The following PAPOLA variants were observed in gnomAD, a reference collection of about 807,000 sequenced individuals.
PAPOLA encodes poly(A) polymerase alpha, also known as polynucleotide adenylyltransferase alpha.
PAPOLA carries 15 observed loss-of-function variants against 100.6 expected under a neutral mutation model. That is an observed-to-expected ratio of 0.15 (90% confidence interval 0.10 to 0.23). PAPOLA has a LOEUF of 0.23. PAPOLA is among the 10% of genes least tolerant of loss of function. The pLI is 1.00. For missense variants in PAPOLA, 533 were observed against 884.2 expected, an observed-to-expected ratio of 0.60 and a Z score of 5.04; for synonymous variants, 293 against 300.0, an observed-to-expected ratio of 0.98 and a Z score of 0.24.
intron 6 of PAPOLA, 59 bp downstream of exon 6, chr14:96,528,065 A>G: frequency 8.9e-7 from 1 of 1,123,168 alleles, no homozygotes; most frequent in South Asian, 1.2e-5. Context: ...TTTGATTGAT[A>G]TAGGTTAAAA....
intron 15 of PAPOLA, among the ~76,000 whole-genome samples, chr14:96,547,324 C>T (rs1900470309): frequency 6.6e-6 from 1 of 151,930 alleles, no homozygotes; most frequent in African/African-American, 2.4e-5. Flanking sequence ...TAAATTATTA[C>T]TATATTAGAA....
intron 20 of PAPOLA, among the ~76,000 whole-genome samples, chr14:96,561,314 C>A (rs1324111942): frequency 6.6e-6 from 1 of 151,916 alleles, no homozygotes; most frequent in African/African-American, 2.4e-5. Flanking sequence ...TTTTAACTTT[C>A]TTTCCTTGTG....
chr14:96,555,865 A>G lies in PAPOLA; in HGVS notation c.1683A>G (p.Pro561=), dbSNP rs767654097. 1.2e-6 allele frequency: 2 copies of G among 1,600,158 alleles called. No homozygotes were observed. The highest frequency in any genetic ancestry group is 2.2e-5 in the South Asian group (2 of 89,892). The stretch of plus-strand genomic sequence containing the variant: ...TTTTTAGCAGAAACAGTCCTGCTCC[A>G]GCTGTAACAGCAGCATCTGTGACCA... ...GSSQGRNSPA[P]AVTAASVTNI... Residue 561 remains proline, a synonymous_variant, in exon 18 of 22, where the codon CCA becomes CCG. Transcript: ENST00000216277.
At chr14:96,533,847 C>T in intron 9 of PAPOLA, 1 of 983,534 alleles carries the variant, frequency 1.0e-6, no homozygotes, top group South Asian at 4.7e-5. Flanking sequence ...GCCACCGCGT[C>T]CGGCTGTCAG....
At chr14:96,517,667 CAG>C (rs1897577120) in intron 1 of PAPOLA, among the ~76,000 whole-genome samples, 1 of 148,496 alleles carries the variant, frequency 6.7e-6, no homozygotes, top group South Asian at 2.1e-4. Flanking sequence ...GATTGGAAAA[CAG>C]AACATTTTTA....
rs1404220861 is a variant in PAPOLA at position 96,566,352 on chromosome 14, C to G, written c.*1302C>G. On this transcript the variant is annotated 3_prime_UTR_variant, in exon 22 of 22. Coordinates refer to ENST00000216277, the MANE Select transcript of PAPOLA (RefSeq NM_032632.5). ...CCTTTCTTTGAATAAAATAATTTCT[C>G]ATAATTAAGCAGTAGAAGATCTATC... 1 of 154,498 alleles carries G rather than the reference C, an allele frequency of 6.5e-6. No individual in the cohort carries two copies. Among genetic ancestry groups the G allele is most frequent in the Non-Finnish European group, 1.4e-5 (1 of 69,396 alleles). The allele number at this position is 154,498 out of a possible 1,614,324, so 9.6% of individuals were successfully genotyped here. A position where few individuals can be genotyped will look rare whatever the true frequency, so the allele number is the denominator to read the frequency against.
chr14:96,556,392 C>T lies in PAPOLA; in HGVS notation c.1983C>T (p.Pro661=). Residue 661 remains proline, a synonymous_variant, in exon 19 of 22, where the codon CCC becomes CCT. Transcript: ENST00000216277. ...RTSSPHKEES[P]KKTKTEEDET... is the part of the protein sequence containing the mutation. ...CCTCACCTCATAAAGAAGAGAGTCC[C>T]AAGAAAACCAAAACAGAAGAGGTAT... The T allele has an allele frequency of 6.2e-7, 1 of 1,608,350 alleles. No homozygotes were observed. Among genetic ancestry groups the T allele is most frequent in the Non-Finnish European group, 8.5e-7 (1 of 1,175,098 alleles).
chr14:96,529,765 G>A (rs1245477012), intron 6 of PAPOLA, among the ~76,000 whole-genome samples: 2 of 151,980 alleles, frequency 1.3e-5, no homozygotes, highest in African/African-American at 2.4e-5. Context: ...TCTTATAAAA[G>A]GCTTGTTTAC....
At chr14:96,534,261 A>G in intron 9 of PAPOLA, 9 of 1,341,996 alleles carry the variant, frequency 6.7e-6, no homozygotes, top group Non-Finnish European at 7.6e-6. Flanking sequence ...AGTGGCAGAG[A>G]ACGTTTTTGG....
chr14:96,539,816 T>C (rs981525807), intron 12 of PAPOLA, among the ~76,000 whole-genome samples: 5 of 152,142 alleles, frequency 3.3e-5, no homozygotes, highest in Admixed American at 6.5e-5. Flanking sequence ...GTTTTAAAAA[T>C]TAAAAATAGA....
At chr14:96,505,944 G>C (rs904102611) in intron 1 of PAPOLA, among the ~76,000 whole-genome samples, 2 of 151,850 alleles carry the variant, frequency 1.3e-5, no homozygotes, top group African/African-American at 4.8e-5. Context: ...TTGCTCTGTC[G>C]CCGGGCTGGA....
chr14:96,550,699 A>G (rs1296697182), intron 16 of PAPOLA, among the ~76,000 whole-genome samples: 1 of 152,176 alleles, frequency 6.6e-6, no homozygotes, highest in Non-Finnish European at 1.5e-5. Flanking sequence ...GTTGTTTAAT[A>G]TCTCTTTATA....
At chr14:96,558,187 G>A (rs1901523935) in intron 19 of PAPOLA, among the ~76,000 whole-genome samples, 2 of 151,932 alleles carry the variant, frequency 1.3e-5, no homozygotes, top group Non-Finnish European at 2.9e-5. Flanking sequence ...AAGATTTTAG[G>A]GCTTTCTCCA....
chr14:96,555,796 TA>T (rs750176533), intron 17 of PAPOLA, 50 bp from the exon 18 acceptor site: 10 of 930,466 alleles, frequency 1.1e-5, no homozygotes, highest in African/African-American at 3.4e-5. Context: ...ATTTTTTTTT[TA>T]TTTTTCTATT....
intron 1 of PAPOLA, among the ~76,000 whole-genome samples, chr14:96,518,897 A>G (rs1897703372): frequency 6.6e-6 from 1 of 151,846 alleles, no homozygotes; most frequent in African/African-American, 2.4e-5. Context: ...TCTCTACTAA[A>G]AATATAAAAA....
At chr14:96,508,890 A>G (rs1595494674) in intron 1 of PAPOLA, among the ~76,000 whole-genome samples, 1 of 152,342 alleles carries the variant, frequency 6.6e-6, no homozygotes, top group African/African-American at 2.4e-5. Context: ...GAGGCTCAAA[A>G]GAATACCTGA....
At position 96,544,227 on chromosome 14, in the gene PAPOLA, C is replaced by A; in HGVS notation, c.1368C>A (p.Leu456=). The A allele has an allele frequency of 6.3e-7, 1 of 1,585,510 alleles. No individual in the cohort carries two copies. Residue 456 remains leucine (L), a synonymous_variant, in exon 15 of 22, where the codon CTC becomes CTA. Coordinates refer to ENST00000216277, the MANE Select transcript of PAPOLA (RefSeq NM_032632.5). The part of the protein sequence containing the change: ...TENSENLSVD[L]TYDIQSFTDT... ...ACTCTGAAAACCTCAGTGTTGATCT[C>A]ACCTATGATATTCAGTCTTTCACAG... is the stretch of plus-strand genomic sequence containing the variant.
At chr14:96,550,423 A>G (rs562202258) in intron 16 of PAPOLA, among the ~76,000 whole-genome samples, 2 of 152,286 alleles carry the variant, frequency 1.3e-5, no homozygotes, top group Non-Finnish European at 2.9e-5. Context: ...AAGATGTTTT[A>G]TTATTTCTTT....
chr14:96,517,209 C>A (rs1045607481), intron 1 of PAPOLA, among the ~76,000 whole-genome samples: 1 of 151,994 alleles, frequency 6.6e-6, no homozygotes, highest in Non-Finnish European at 1.5e-5. Flanking sequence ...GCTTTACTTG[C>A]GTTAAAGTCA....
Sources: gnomAD v4.1 joint callset for allele counts (sites outside exome capture counted in the v4.1 genomes callset) on GRCh38, gnomAD v4.1.1 for gene constraint, MANE v1.5 for transcripts, NCBI Gene and HGNC (gene_info 2026-07-23, HGNC 2026-07-21) for gene names.